Variants in TRMT2A observed in about 807,000 individuals in gnomAD.
The protein encoded by TRMT2A is tRNA methyltransferase 2A, also known as tRNA (uracil-5-)-methyltransferase homolog A.
In TRMT2A, 60 loss-of-function variants were observed where a neutral mutation model predicts 59.3. That is an observed-to-expected ratio of 1.01 (90% confidence interval 0.82 to 1.26). TRMT2A has a LOEUF of 1.26. Ranked by LOEUF, TRMT2A falls within the 50% of genes most tolerant of loss-of-function variation. TRMT2A has a pLI of 0.00. For synonymous variants in TRMT2A, 403 were observed against 353.7 expected, an observed-to-expected ratio of 1.14 and a Z score of -1.56; for missense variants, 863 against 845.2, an observed-to-expected ratio of 1.02 and a Z score of -0.26.
chr22:20,112,483 C>A lies in TRMT2A; in HGVS notation c.*80G>T. ...CCTTTGGCTGCCTACCTCTGAATAT[C>A]CTGGCCAGCAAGCCATGCCTTCCCC... On this transcript the variant is annotated 3_prime_UTR_variant, in exon 12 of 12. Transcript: ENST00000252136. 1 of 1,501,436 alleles carries A rather than the reference C, an allele frequency of 6.7e-7. No individual in the cohort carries two copies. Among genetic ancestry groups the A allele is most frequent in the Non-Finnish European group, 8.9e-7 (1 of 1,118,312 alleles). The allele number at this position is 1,501,436 out of a possible 1,614,324, so 93.0% of individuals were successfully genotyped here.
chr22:20,113,403 C>T (rs1234757360), intron 9 of TRMT2A, 29 bp downstream of exon 9: 9 of 1,496,760 alleles, frequency 6.0e-6, no homozygotes, highest in Non-Finnish European at 5.5e-6. Flanking sequence ...GCCCCCATCC[C>T]CACCCCCACC....
Position 20,115,332 on chromosome 22 carries a change from G to A in TRMT2A, c.824C>T (p.Pro275Leu), listed in dbSNP as rs141710957. The A allele has an allele frequency of 6.5e-4, 1,055 of 1,612,786 alleles. 8 individuals are homozygous for A. Among genetic ancestry groups the A allele is most frequent in the Non-Finnish European group, 4.3e-4 (507 of 1,179,988 alleles). The change falls in exon 4 of 12, where the codon CCG (proline) becomes CTG (leucine). Residue 275 changes from proline to leucine, a missense_variant. Pro to Leu is a moderately conservative substitution (Grantham distance 98). Transcript: ENST00000252136. ...TTCGGGGATGTGCACGGTGTCAAAC[G>A]GGGCTGCCACAGCACACGTCCCGCC... Reference protein sequence around the residue: ...YKGGTCAVAAPFDTVHIPEAT... With the variant: ...YKGGTCAVAALFDTVHIPEAT...
At chr22:20,115,947 G>A in intron 2 of TRMT2A, 91 bp downstream of exon 2, 1 of 1,463,910 alleles carries the variant, frequency 6.8e-7, no homozygotes. Flanking sequence ...CAGATCCTGT[G>A]CTGGGCCTCC....
At chr22:20,114,734 C>A in intron 6 of TRMT2A, 27 bp downstream of exon 6, 1 of 1,608,562 alleles carries the variant, frequency 6.2e-7, no homozygotes. Flanking sequence ...CTGCAGGGAC[C>A]TGCCCCGCCC....
rs371691664 is a variant in TRMT2A at position 20,114,949 on chromosome 22, G to A, written c.1005+16C>T. 613 of 1,576,628 alleles carry A rather than the reference G, an allele frequency of 3.9e-4. 1 individual carries two copies. Among genetic ancestry groups the A allele is most frequent in the Non-Finnish European group, 4.9e-4 (574 of 1,162,116 alleles). ...CTAGGCTAGGCACCCTCCCCCAGCA[G>A]GGCCCCCGTTGAGACCTGGGGGTGG... is the stretch of plus-strand genomic sequence containing the variant. On this transcript the variant is annotated intron_variant, in intron 5 of 11. Coordinates refer to ENST00000252136, the MANE Select transcript of TRMT2A (RefSeq NM_022727.6).
At chr22:20,113,404 C>CCCCCCCCCCCCCCCCCCGG in intron 9 of TRMT2A, 28 bp downstream of exon 9, 7 of 1,511,254 alleles carry the variant, frequency 4.6e-6, no homozygotes, top group South Asian at 1.2e-5. Flanking sequence ...CCCCCATCCC[C>CCCCCCCCCCCCCCCCCCGG]ACCCCCACCC....
rs772123006 is a variant in TRMT2A, at chr22:20,113,505, C to T, written c.1359G>A (p.Lys453=). Residue 453 remains lysine (K), a splice_region_variant and synonymous_variant, in exon 9 of 12, where the codon AAG becomes AAA. Transcript: ENST00000252136. ...TGTIGLALAR[K]VKRVIGVELC... is the part of the protein sequence containing the mutation. ...GCTCGACCCCAATGACCCTCTTTAC[C>T]TTCTGAAACAGGAAAGCGTGGTGTC... 10 of 1,613,396 alleles carry T rather than the reference C, an allele frequency of 6.2e-6. No homozygotes were observed. In the East Asian group the frequency reaches 6.7e-5, roughly 11 times the overall value.
Position 20,113,197 on chromosome 22 carries a change from C to T in TRMT2A, c.1470G>A (p.Glu490=), listed in dbSNP as rs769263828. ...TGCTCACCAGGGTGGGCACCAGGTC[C>T]TCGGCCCTCCCGCAGTGGAACTCCA... The part of the protein sequence containing the change: ...SNVEFHCGRA[E]DLVPTLVSRL... The change falls in exon 10 of 12, where the codon GAG becomes GAA. Residue 490 remains glutamate, a synonymous_variant. Transcript: ENST00000252136. 1 of 1,585,758 alleles carries T rather than the reference C, an allele frequency of 6.3e-7. No homozygotes were observed. The highest frequency in any genetic ancestry group is 8.6e-7 in the Non-Finnish European group (1 of 1,165,988).
At position 20,112,056 on chromosome 22, in the gene TRMT2A, CCA is replaced by C. The variant is rs145947632; in HGVS notation, c.*505_*506del. 2,107 of 157,932 alleles carry C rather than the reference CCA, an allele frequency of 0.013. 51 individuals carry two copies. The highest frequency in any genetic ancestry group is 0.046 in the African/African-American group (1,938 of 41,698). 9.8% of individuals were successfully genotyped at this position (157,932 alleles called of 1,614,324 possible). A position where few individuals can be genotyped will look rare whatever the true frequency, so the allele number is the denominator to read the frequency against. ...TCTGCTGGGCTGAGGGCCAGGCTGG[CCA>C]CAGAGGGGCCAACTCTGCCCAGTGT... On this transcript the variant is annotated 3_prime_UTR_variant, in exon 12 of 12. Coordinates refer to ENST00000252136, the MANE Select transcript of TRMT2A (RefSeq NM_022727.6).
In TRMT2A at chr22:20,115,749, G is replaced by T. The variant is rs543888208; in HGVS notation, c.631C>A (p.Pro211Thr). 14 of 1,611,772 alleles carry T rather than the reference G, an allele frequency of 8.7e-6. No homozygotes were observed. In the East Asian group the frequency reaches 3.1e-4, roughly 36 times the overall value. ...TTGTGCCTCTGCTCGAGCAGCCAGG[G>T]CAGCAAGGCACGGTTGGTGCTCCCG... ...EIGSTNRALL[P>T]WLLEQRHKHN... Residue 211 changes from proline to threonine, a missense_variant, in exon 3 of 12, where the codon CCC becomes ACC. Transcript: ENST00000252136.
At chr22:20,116,648 T>C (rs1415824617) in intron 1 of TRMT2A, 36 bp from the exon 2 acceptor site, 2 of 1,516,990 alleles carry the variant, frequency 1.3e-6, no homozygotes, top group African/African-American at 2.8e-5. Flanking sequence ...GGGTGAGGAC[T>C]AGGCCCTGGG....
intron 9 of TRMT2A, 24 bp downstream of exon 9, chr22:20,113,408 C>CCCCCCCCCG: frequency 6.4e-7 from 1 of 1,556,222 alleles, no homozygotes; most frequent in Non-Finnish European, 8.8e-7. Flanking sequence ...CATCCCCACC[C>CCCCCCCCCG]CCACCCACGG....
rs761211743 is a variant in TRMT2A, at chr22:20,116,924, G to C, written c.-18C>G. On this transcript the variant is annotated 5_prime_UTR_variant, in exon 1 of 12. Coordinates refer to ENST00000252136, the MANE Select transcript of TRMT2A (RefSeq NM_022727.6). ...TCACTCATCGCCCAGGCGGTTCTCC[G>C]CCTAGACCAGGGACGCCATGGGGGC... The C allele has an allele frequency of 6.3e-7, 1 of 1,584,364 alleles. No individual in the cohort carries two copies. Among genetic ancestry groups the C allele is most frequent in the East Asian group, 2.3e-5 (1 of 43,236 alleles).
chr22:20,115,006 G>C lies in TRMT2A; in HGVS notation c.964C>G (p.Arg322Gly). The C allele has an allele frequency of 6.3e-7, 1 of 1,598,416 alleles. No individual in the cohort carries two copies. ...HWKQLTVRTS[R>G]RHQAMAIAYF... is the part of the protein sequence containing the mutation. ...GCAATGGCCATGGCCTGGTGGCGGC[G>C]GCTGGTGCGCACAGTCAGCTGCTTC... is the stretch of plus-strand genomic sequence containing the variant. The change falls in exon 5 of 12, where the codon CGC becomes GGC. Residue 322 changes from arginine (R) to glycine (G), a missense_variant. Coordinates refer to ENST00000252136, the MANE Select transcript of TRMT2A (RefSeq NM_022727.6).
intron 5 of TRMT2A, 25 bp downstream of exon 5, chr22:20,114,940 C>A: frequency 6.4e-7 from 1 of 1,572,046 alleles, no homozygotes; most frequent in Non-Finnish European, 8.6e-7. Flanking sequence ...TAGGCACCCT[C>A]CCCCAGCAGG....
In TRMT2A at chr22:20,116,973, C is replaced by T. The variant is rs977960337; in HGVS notation, c.-67G>A. 6.6e-7 allele frequency: 1 copy of T among 1,510,400 alleles called. No individual in the cohort carries two copies. Among genetic ancestry groups the T allele is most frequent in the Non-Finnish European group, 9.0e-7 (1 of 1,112,676 alleles). 93.6% of individuals were successfully genotyped at this position (1,510,400 alleles called of 1,614,324 possible). ...GCCGCCTGGCCACCTCGTCCTGGGC[C>T]TGTCACAAGGGAAGTGGCCTGTCAC... On this transcript the variant is annotated 5_prime_UTR_variant, in exon 1 of 12. Coordinates refer to ENST00000252136, the MANE Select transcript of TRMT2A (RefSeq NM_022727.6).
chr22:20,117,083 G>A lies in TRMT2A; in HGVS notation c.-177C>T. The A allele has an allele frequency of 1.2e-6, 1 of 821,250 alleles. No individual in the cohort carries two copies. The highest frequency in any genetic ancestry group is 2.7e-5 in the East Asian group (1 of 36,956). The allele number at this position is 821,250 out of a possible 1,614,324, so 50.9% of individuals were successfully genotyped here. A position where few individuals can be genotyped will look rare whatever the true frequency, so the allele number is the denominator to read the frequency against. ...CCACCCCCGGCTTCGCCCCAGGCGG[G>A]GCGGGACTCGAACCTGCGATGCTCA... On this transcript the variant is annotated 5_prime_UTR_variant, in exon 1 of 12. Transcript: ENST00000252136.
chr22:20,113,398 C>CCA, intron 9 of TRMT2A, 34 bp downstream of exon 9: 14 of 1,544,126 alleles, frequency 9.1e-6, no homozygotes, highest in African/African-American at 1.4e-5. Context: ...CGGCTGCCCC[C>CCA]ATCCCCACCC....
Position 20,117,106 on chromosome 22 carries a change from T to C in TRMT2A, c.-200A>G, listed in dbSNP as rs11544955. The C allele has an allele frequency of 4.3e-6, 3 of 697,268 alleles. No homozygotes were observed. The highest frequency in any genetic ancestry group is 3.9e-4 in the Middle Eastern group (1 of 2,566). The allele number at this position is 697,268 out of a possible 1,614,324, so 43.2% of individuals were successfully genotyped here. A position where few individuals can be genotyped will look rare whatever the true frequency, so the allele number is the denominator to read the frequency against. On this transcript the variant is annotated 5_prime_UTR_variant, in exon 1 of 12. Transcript: ENST00000252136. ...GGGGCGGGACTCGAACCTGCGATGC[T>C]CAGGTCCGGGTCTCAGGCTTGGGGC...
Sources: allele counts gnomAD v4.1 joint callset, GRCh38; gene constraint gnomAD v4.1.1; transcripts MANE v1.5; gene names NCBI Gene and HGNC (gene_info 2026-07-23, HGNC 2026-07-21).